The following RAPGEF4 variants were observed in gnomAD, a reference collection of about 807,000 sequenced individuals.
RAPGEF4 encodes RAP guanine-nucleotide-exchange factor (GEF) 4.
A neutral mutation model predicts 147.9 loss-of-function variants in RAPGEF4; 66 were observed. The ratio of observed to expected loss-of-function variants is 0.45; its 90% CI spans 0.37 to 0.55. The LOEUF (loss-of-function observed/expected upper bound fraction) is 0.55. RAPGEF4 is among the 20% of genes least tolerant of loss of function. RAPGEF4 has a pLI of 0.00. For missense variants in RAPGEF4, 1,071 were observed against 1,257.3 expected (o/e 0.85, Z 2.24); for synonymous variants, 419 against 442.7 (o/e 0.95, Z 0.67).
chr2:172,799,399 C>A (rs1455472347), intron 3 of RAPGEF4, among the ~76,000 whole-genome samples: 6 of 152,182 alleles, frequency 3.9e-5, no homozygotes, highest in Admixed American at 3.9e-4. Context: ...TGCTCTCCAC[C>A]ATTTGACTCT....
chr2:172,892,299 T>C (rs897615517), intron 4 of RAPGEF4, among the ~76,000 whole-genome samples: 1 of 152,230 alleles, frequency 6.6e-6, no homozygotes, highest in Non-Finnish European at 1.5e-5. Flanking sequence ...ATCAGGTTTT[T>C]ACTTAGCTGC....
intron 6 of RAPGEF4, among the ~76,000 whole-genome samples, chr2:172,941,677 G>A (rs1473261330): frequency 1.3e-5 from 2 of 152,100 alleles, no homozygotes; most frequent in Non-Finnish European, 2.9e-5. Context: ...ACTGTATTAC[G>A]GCAGTACATC....
chr2:172,885,045 T>C (rs1170640251), intron 4 of RAPGEF4, among the ~76,000 whole-genome samples: 1 of 152,180 alleles, frequency 6.6e-6, no homozygotes, highest in Non-Finnish European at 1.5e-5. Context: ...TATCAGTATA[T>C]CTCTACTTCA....
rs562042487 is a variant in RAPGEF4 at position 172,797,293 on chromosome 2, T to C, written c.209-232T>C. Among the ~76,000 whole-genome samples, 3 of 152,344 alleles carry C rather than the reference T, an allele frequency of 2.0e-5. No homozygotes were observed. The East Asian group carries it at 5.8e-4, about 29-fold the overall frequency. On this transcript the variant is annotated intron_variant, in intron 2 of 30. Transcript: ENST00000397081. ...CTTTATTACAGCTCTGTAAGTATGA[T>C]AGAGTTCTCTTTAATAAGGTTCCAC... is the stretch of plus-strand genomic sequence containing the variant.
At chr2:172,840,697 T>A (rs1283890653) in intron 4 of RAPGEF4, among the ~76,000 whole-genome samples, 1 of 152,228 alleles carries the variant, frequency 6.6e-6, no homozygotes, top group Non-Finnish European at 1.5e-5. Context: ...AATATTATAC[T>A]TCTTTTGTAG....
chr2:172,917,714 C>A, intron 4 of RAPGEF4, 88 bp from the exon 5 acceptor site: 1 of 1,153,614 alleles, frequency 8.7e-7, no homozygotes, highest in Non-Finnish European at 1.3e-6. Flanking sequence ...TTCCTGACAC[C>A]CAGCATTTCT....
At chr2:172,955,297 A>T (rs1198143030) in intron 6 of RAPGEF4, among the ~76,000 whole-genome samples, 3 of 152,174 alleles carry the variant, frequency 2.0e-5, no homozygotes, top group Non-Finnish European at 4.4e-5. Context: ...ATTAGTATTT[A>T]TGTATTGGCT....
At chr2:172,957,564 A>G (rs1394057763) in intron 6 of RAPGEF4, among the ~76,000 whole-genome samples, 2 of 152,226 alleles carry the variant, frequency 1.3e-5, no homozygotes, top group Non-Finnish European at 2.9e-5. Flanking sequence ...CTAACTGAAT[A>G]CAGTGTCCCT....
intron 15 of RAPGEF4, among the ~76,000 whole-genome samples, chr2:172,995,480 G>T (rs1295430287): frequency 2.6e-5 from 4 of 152,058 alleles, no homozygotes; most frequent in Non-Finnish European, 4.4e-5. Context: ...GGGCTTCACC[G>T]TGTTGCCCAG....
chr2:173,018,182 T>C (rs79163401), intron 21 of RAPGEF4, among the ~76,000 whole-genome samples: 2,591 of 152,168 alleles, frequency 0.017, 82 homozygotes, highest in African/African-American at 0.055. Context: ...CATCCGAGCT[T>C]ACATGGCCTG....
rs1287482319 is a variant in RAPGEF4, at chr2:172,817,953, ATATGAAT to A, written c.444+3532_444+3538del. ...TACAATTATATATATAATGTATATT[ATATGAAT>A]TATATATATATATATACACACACAC... On this transcript the variant is annotated intron_variant, in intron 4 of 30. Transcript: ENST00000397081. Among the ~76,000 whole-genome samples, 183 of 147,338 alleles carry A rather than the reference ATATGAAT, an allele frequency of 1.2e-3. 3 individuals are homozygous for A. The highest frequency in any genetic ancestry group is 3.6e-3 in the Middle Eastern group (1 of 280).
chr2:172,799,940 C>T (rs1686804190), intron 3 of RAPGEF4, among the ~76,000 whole-genome samples: 1 of 152,114 alleles, frequency 6.6e-6, no homozygotes, highest in East Asian at 1.9e-4. Context: ...TTGCCCTTAA[C>T]CAGTTATCTC....
intron 4 of RAPGEF4, among the ~76,000 whole-genome samples, chr2:172,913,122 C>T (rs1683634947): frequency 6.6e-6 from 1 of 152,040 alleles, no homozygotes; most frequent in East Asian, 1.9e-4. Flanking sequence ...TCTTGAACTC[C>T]TGACCTCAGG....
intron 4 of RAPGEF4, among the ~76,000 whole-genome samples, chr2:172,895,458 A>G (rs1481742097): frequency 2.0e-5 from 3 of 152,100 alleles, no homozygotes; most frequent in Non-Finnish European, 2.9e-5. Context: ...ATAGACATAC[A>G]CTTTCCCTGA....
At chr2:172,870,402 A>G (rs574182276) in intron 4 of RAPGEF4, among the ~76,000 whole-genome samples, 9 of 152,300 alleles carry the variant, frequency 5.9e-5, no homozygotes, top group African/African-American at 2.2e-4. Context: ...TAAGGACCCA[A>G]CTAAACTTGT....
At chr2:172,911,991 T>A (rs189020635) in intron 4 of RAPGEF4, among the ~76,000 whole-genome samples, 2 of 152,172 alleles carry the variant, frequency 1.3e-5, no homozygotes, top group Non-Finnish European at 2.9e-5. Context: ...GGTTTCGAAC[T>A]CCTGGCCTCA....
At chr2:173,016,540 C>T in intron 19 of RAPGEF4, 103 bp downstream of exon 19, 1 of 939,286 alleles carries the variant, frequency 1.1e-6, no homozygotes, top group Non-Finnish European at 1.7e-6. Context: ...TAGCCATGCC[C>T]CGCTTGATTT....
chr2:172,963,437 T>C (rs1321066800), intron 8 of RAPGEF4, among the ~76,000 whole-genome samples: 2 of 152,372 alleles, frequency 1.3e-5, no homozygotes, highest in Non-Finnish European at 2.9e-5. Flanking sequence ...GTATTACTTT[T>C]TTCCATAATT....
chr2:172,883,259 G>A lies in RAPGEF4; in HGVS notation c.445-34543G>A, dbSNP rs115665988. On this transcript the variant is annotated intron_variant, in intron 4 of 30. Coordinates refer to ENST00000397081, the MANE Select transcript of RAPGEF4 (RefSeq NM_007023.4). ...AGAAGTCCAAGGTGGAAGGGCTTGC[G>A]GCTATCGAGGGCCTTCTTGCTGTAT... Among the ~76,000 whole-genome samples, 296 of 152,318 alleles carry A rather than the reference G, an allele frequency of 1.9e-3. 1 individual carries two copies. The highest frequency in any genetic ancestry group is 3.1e-3 in the Non-Finnish European group (214 of 68,032).
Sources: allele counts gnomAD v4.1 joint callset (sites outside exome capture counted in the v4.1 genomes callset), GRCh38; gene constraint gnomAD v4.1.1; transcripts MANE v1.5; gene names NCBI Gene and HGNC (gene_info 2026-07-23, HGNC 2026-07-21).